Variants in YTHDF3 observed in about 807,000 individuals in gnomAD.
The protein encoded by YTHDF3 is YTH domain-containing family protein 3.
Under a neutral mutation model 52.5 loss-of-function variants are expected in YTHDF3, and 9 were observed. The observed-to-expected ratio is 0.17, with a 90% CI of 0.10 to 0.30. The LOEUF is 0.30. Among genes scored for constraint, YTHDF3 ranks in the 10% least tolerant of loss-of-function variants. The pLI is 1.00. For missense variants in YTHDF3, 534 were observed against 715.0 expected (o/e 0.75, Z 2.89); for synonymous variants, 274 against 243.3 (o/e 1.13, Z -1.18).
chr8:63,209,813 A>G lies in YTHDF3; in HGVS notation c.*107A>G, dbSNP rs1810274852. 9.0e-7 allele frequency: 1 copy of G among 1,115,112 alleles called. No individual in the cohort carries two copies. The highest frequency in any genetic ancestry group is 1.3e-6 in the Non-Finnish European group (1 of 795,186). 69.1% of individuals were successfully genotyped at this position (1,115,112 alleles called of 1,614,324 possible). On this transcript the variant is annotated 3_prime_UTR_variant, in exon 5 of 5. Transcript: ENST00000539294. ...AAAGCTCTTTTCTGCTTAAGGTGACATCTTTGAACACTTTAACACAAAGTT... is the reference window on the plus strand; with the variant it reads ...AAAGCTCTTTTCTGCTTAAGGTGACGTCTTTGAACACTTTAACACAAAGTT...
At chr8:63,197,649 A>G (rs1445903226) in intron 4 of YTHDF3, among the ~76,000 whole-genome samples, 1 of 152,236 alleles carries the variant, frequency 6.6e-6, no homozygotes, top group African/African-American at 2.4e-5. Context: ...ATTCAATGTG[A>G]TATGGTAAAT....
At chr8:63,187,977 T>C (rs1339222785) in intron 4 of YTHDF3, among the ~76,000 whole-genome samples, 4 of 152,212 alleles carry the variant, frequency 2.6e-5, no homozygotes, top group African/African-American at 9.6e-5. Context: ...ACTCCCTAGA[T>C]GATAAAGGCC....
chr8:63,193,722 A>G lies in YTHDF3; in HGVS notation c.1734+5977A>G, dbSNP rs951526806. On this transcript the variant is annotated intron_variant, in intron 4 of 4. Transcript: ENST00000539294. ...ATGAGAGGAAAAACATGTAGCTAAT[A>G]AGAATATAAAGGCTTACGAAAAATG... Among the ~76,000 whole-genome samples, 7 of 152,322 alleles carry G rather than the reference A, an allele frequency of 4.6e-5. No individual in the cohort carries two copies. The East Asian group carries it at 1.3e-3, about 29-fold the overall frequency.
chr8:63,200,805 C>G (rs1318789311), intron 4 of YTHDF3, among the ~76,000 whole-genome samples: 2 of 152,042 alleles, frequency 1.3e-5, no homozygotes, highest in Non-Finnish European at 2.9e-5. Context: ...TTCAGGGTGT[C>G]AAGGTGAATT....
At chr8:63,195,741 T>C (rs1487870360) in intron 4 of YTHDF3, among the ~76,000 whole-genome samples, 2 of 149,370 alleles carry the variant, frequency 1.3e-5, no homozygotes, top group African/African-American at 5.1e-5. Context: ...CGTGTGTGTG[T>C]GTGTGTGTGT....
At position 63,168,698 on chromosome 8, in the gene YTHDF3, A is replaced by T; in HGVS notation, c.-180A>T. The stretch of plus-strand genomic sequence containing the variant: ...GGGGAAGAGGAGCGTGCAAGCGGAA[A>T]AGACGGGCCTCTTCCTCCGACTCCC... On this transcript the variant is annotated 5_prime_UTR_variant, in exon 1 of 5. Coordinates refer to ENST00000539294, the MANE Select transcript of YTHDF3 (RefSeq NM_152758.6). The T allele has an allele frequency of 8.3e-7, 1 of 1,197,608 alleles. No homozygotes were observed. 74.2% of individuals were successfully genotyped at this position (1,197,608 alleles called of 1,614,324 possible).
intron 3 of YTHDF3, among the ~76,000 whole-genome samples, chr8:63,179,097 G>A (rs1335217832): frequency 6.6e-6 from 1 of 152,056 alleles, no homozygotes; most frequent in Non-Finnish European, 1.5e-5. Context: ...AAACCCAAGG[G>A]TACTTTAAAA....
chr8:63,178,533 G>A (rs1807854302), intron 3 of YTHDF3, among the ~76,000 whole-genome samples: 1 of 152,194 alleles, frequency 6.6e-6, no homozygotes, highest in Admixed American at 6.5e-5. Flanking sequence ...TTTAACTCAT[G>A]ATATTTGGAA....
At chr8:63,197,723 A>G (rs1189813444) in intron 4 of YTHDF3, among the ~76,000 whole-genome samples, 2 of 152,230 alleles carry the variant, frequency 1.3e-5, no homozygotes, top group Non-Finnish European at 2.9e-5. Context: ...TTAGTATGCT[A>G]TTTAAATTTA....
intron 4 of YTHDF3, among the ~76,000 whole-genome samples, chr8:63,198,870 A>C (rs975101083): frequency 5.3e-5 from 8 of 152,202 alleles, no homozygotes; most frequent in African/African-American, 1.9e-4. Context: ...TATAAAATCT[A>C]CTTTTGTAAA....
In YTHDF3 at chr8:63,209,879, A is replaced by G; in HGVS notation, c.*173A>G. ...GGTTTTCATCAGCGCATCTGCCCTT[A>G]TACTCTTCACCAAACACACTTGAGA... On this transcript the variant is annotated 3_prime_UTR_variant, in exon 5 of 5. Transcript: ENST00000539294. The G allele has an allele frequency of 1.7e-6, 1 of 595,332 alleles. No individual in the cohort carries two copies. The highest frequency in any genetic ancestry group is 2.8e-6 in the Non-Finnish European group (1 of 354,556). The allele number at this position is 595,332 out of a possible 1,614,324, so 36.9% of individuals were successfully genotyped here.
chr8:63,201,012 TG>T (rs1809604163), intron 4 of YTHDF3, among the ~76,000 whole-genome samples: 2 of 152,208 alleles, frequency 1.3e-5, no homozygotes, highest in Admixed American at 1.3e-4. Context: ...CAGGCATTTT[TG>T]AACATGCTAG....
chr8:63,170,457 G>A (rs962971944), intron 2 of YTHDF3, among the ~76,000 whole-genome samples: 3 of 152,054 alleles, frequency 2.0e-5, no homozygotes, highest in African/African-American at 7.2e-5. Context: ...ACCATATTAG[G>A]TAACATTTTG....
At chr8:63,177,149 C>T (rs1306082013) in intron 3 of YTHDF3, among the ~76,000 whole-genome samples, 1 of 152,064 alleles carries the variant, frequency 6.6e-6, no homozygotes, top group Non-Finnish European at 1.5e-5. Context: ...TCTGAAAGAA[C>T]AAGGAACCAA....
chr8:63,206,519 G>A (rs114143122), intron 4 of YTHDF3, among the ~76,000 whole-genome samples: 2,424 of 152,182 alleles, frequency 0.016, 50 homozygotes, highest in African/African-American at 0.054. Context: ...AGTAAGTCTT[G>A]TTGGCTTTGC....
chr8:63,172,761 T>C, intron 2 of YTHDF3: 1 of 1,231,510 alleles, frequency 8.1e-7, no homozygotes. Flanking sequence ...TTGATTTGAC[T>C]CTGTTTCATA....
In YTHDF3 at chr8:63,184,906, C is replaced by T. The variant is rs528287298; in HGVS notation, c.136-1241C>T. 9.2e-5 allele frequency among the ~76,000 whole-genome samples: 14 copies of T among 152,206 alleles called. No individual in the cohort carries two copies. In the East Asian group the frequency reaches 2.7e-3, roughly 29 times the overall value. On this transcript the variant is annotated intron_variant, in intron 3 of 4. Transcript: ENST00000539294. ...GGCTGAGGTGGGCAGATTGCTTGAG[C>T]CCAGGAGTTCAAGACCATCCTGGGC...
rs1392878669 is a variant in YTHDF3, at chr8:63,168,712, C to T, written c.-166C>T. The T allele has an allele frequency of 9.5e-6, 13 of 1,364,814 alleles. 1 individual carries two copies. In the African/African-American group the frequency reaches 1.3e-4, roughly 14 times the overall value. The allele number at this position is 1,364,814 out of a possible 1,614,324, so 84.5% of individuals were successfully genotyped here. A position where few individuals can be genotyped will look rare whatever the true frequency, so the allele number is the denominator to read the frequency against. ...TGCAAGCGGAAAAGACGGGCCTCTTCCTCCGACTCCCGAGCGCGAGGCCCT... is the reference window on the plus strand; with the variant it reads ...TGCAAGCGGAAAAGACGGGCCTCTTTCTCCGACTCCCGAGCGCGAGGCCCT... On this transcript the variant is annotated 5_prime_UTR_variant, in exon 1 of 5. Transcript: ENST00000539294.
At chr8:63,197,059 A>G (rs1180648839) in intron 4 of YTHDF3, among the ~76,000 whole-genome samples, 1 of 152,156 alleles carries the variant, frequency 6.6e-6, no homozygotes, top group Non-Finnish European at 1.5e-5. Flanking sequence ...TTCACGCCTG[A>G]CAGTGTGGGC....
Sources: gnomAD v4.1 joint callset for allele counts (sites outside exome capture counted in the v4.1 genomes callset) on GRCh38, gnomAD v4.1.1 for gene constraint, MANE v1.5 for transcripts, NCBI Gene and HGNC (gene_info 2026-07-23, HGNC 2026-07-21) for gene names.